DIXDC1: variants seen among roughly 807,000 people sequenced by gnomAD.
DIXDC1 encodes dixin.
In DIXDC1, 64 loss-of-function variants were observed where a neutral mutation model predicts 103.1. The observed-to-expected ratio is 0.62, with a 90% CI of 0.51 to 0.76. DIXDC1 has a LOEUF of 0.76. DIXDC1 is among the 30% of genes least tolerant of loss of function. The pLI is 0.00. For missense variants in DIXDC1, 759 were observed against 834.2 expected (o/e 0.91, Z 1.11); for synonymous variants, 266 against 298.5 (o/e 0.89, Z 1.12).
chr11:112,006,815 A>G (rs1395670945), intron 17 of DIXDC1, among the ~76,000 whole-genome samples: 2 of 152,208 alleles, frequency 1.3e-5, no homozygotes, highest in Non-Finnish European at 2.9e-5. Context: ...CACCAACATC[A>G]AAGACCAAAG....
intron 17 of DIXDC1, among the ~76,000 whole-genome samples, chr11:112,010,249 A>T (rs1861372927): frequency 6.6e-6 from 1 of 152,238 alleles, no homozygotes; most frequent in Non-Finnish European, 1.5e-5. Flanking sequence ...CTTACAAGGG[A>T]TGTGAAGGAC....
chr11:112,007,440 C>G (rs782786122), intron 17 of DIXDC1, among the ~76,000 whole-genome samples: 2 of 152,060 alleles, frequency 1.3e-5, no homozygotes. Context: ...ACATCCAAAT[C>G]TAGGAAATAC....
chr11:111,982,290 A>C (rs923457428), intron 6 of DIXDC1, 49 bp from the exon 7 acceptor site: 2 of 1,586,846 alleles, frequency 1.3e-6, no homozygotes, highest in Non-Finnish European at 1.7e-6. Context: ...TGTCTGCTGG[A>C]AATCAGTTTT....
chr11:111,995,699 T>A, intron 16 of DIXDC1, 135 bp downstream of exon 16: 1 of 1,164,816 alleles, frequency 8.6e-7, no homozygotes, highest in Middle Eastern at 2.7e-4. Flanking sequence ...TCTCTATTGT[T>A]TTTTCTCTCA....
rs186262506 is a variant in DIXDC1 at position 111,957,212 on chromosome 11, C to T, written c.61-7337C>T. On this transcript the variant is annotated intron_variant, in intron 1 of 19. Transcript: ENST00000440460. ...AATAAATAAATGGGGGAGGAGAGAG[C>T]TCTTCCTCACAGTTGGAATTACAAT... 1.3e-3 allele frequency among the ~76,000 whole-genome samples: 202 copies of T among 152,166 alleles called. 1 individual carries two copies. Among genetic ancestry groups the T allele is most frequent in the Non-Finnish European group, 1.2e-3 (84 of 68,000 alleles).
At chr11:112,011,790 C>G (rs1385015212) in intron 17 of DIXDC1, among the ~76,000 whole-genome samples, 1 of 150,718 alleles carries the variant, frequency 6.6e-6, no homozygotes, top group Non-Finnish European at 1.5e-5. Context: ...ACATCACACA[C>G]TGGAGCCTGT....
chr11:111,967,915 C>T (rs959539562), intron 2 of DIXDC1, among the ~76,000 whole-genome samples: 1 of 152,318 alleles, frequency 6.6e-6, no homozygotes, highest in East Asian at 1.9e-4. Flanking sequence ...TTGCTCACTC[C>T]CCCAGCCACA....
intron 14 of DIXDC1, among the ~76,000 whole-genome samples, chr11:111,994,627 T>A (rs1223658900): frequency 6.6e-6 from 1 of 151,592 alleles, no homozygotes; most frequent in South Asian, 2.1e-4. Flanking sequence ...TGTGTATATA[T>A]ATGTATGAAT....
intron 17 of DIXDC1, among the ~76,000 whole-genome samples, chr11:112,012,905 A>G (rs1861467222): frequency 1.3e-5 from 2 of 152,224 alleles, no homozygotes; most frequent in Admixed American, 1.3e-4. Context: ...TTTGCCTATT[A>G]GACCCCTGTG....
chr11:111,985,996 C>T (rs587669555), intron 8 of DIXDC1, among the ~76,000 whole-genome samples: 1 of 152,276 alleles, frequency 6.6e-6, no homozygotes, highest in East Asian at 1.9e-4. Context: ...ACATACTTCC[C>T]TGTACATCCA....
intron 5 of DIXDC1, chr11:111,975,918 T>C (rs1860082199): frequency 1.0e-6 from 1 of 953,398 alleles, no homozygotes; most frequent in Non-Finnish European, 1.2e-6. Flanking sequence ...TTACCTTTTT[T>C]ACATTTAATA....
intron 17 of DIXDC1, 194 bp downstream of exon 17, chr11:111,996,340 A>G (rs1461069773): frequency 4.2e-6 from 2 of 473,168 alleles, no homozygotes; most frequent in Non-Finnish European, 7.4e-6. Flanking sequence ...CCCCAGTGCC[A>G]TTTAGCCACG....
chr11:111,943,487 C>CTTTTTT (rs1161024928), intron 1 of DIXDC1, among the ~76,000 whole-genome samples: 38 of 113,436 alleles, frequency 3.3e-4, no homozygotes, highest in African/African-American at 5.2e-4. Flanking sequence ...TTCTTTCTCT[C>CTTTTTT]TTTTTTTTTT....
upstream of DIXDC1, among the ~76,000 whole-genome samples, chr11:111,932,763 C>T (rs1210650831): frequency 6.6e-6 from 1 of 152,182 alleles, no homozygotes; most frequent in African/African-American, 2.4e-5. Flanking sequence ...ATCATGTATA[C>T]TCTTTCCTCA....
At chr11:111,971,716 TGTG>T (rs201661545) in intron 3 of DIXDC1, among the ~76,000 whole-genome samples, 184 of 139,634 alleles carry the variant, frequency 1.3e-3, no homozygotes, top group African/African-American at 4.6e-3. Flanking sequence ...ATAAATAAAA[TGTG>T]GTGTGTATAT....
chr11:112,019,160 T>A lies in DIXDC1; in HGVS notation c.*124T>A. The A allele has an allele frequency of 1.3e-6, 1 of 746,970 alleles. No individual in the cohort carries two copies. The highest frequency in any genetic ancestry group is 1.9e-5 in the South Asian group (1 of 53,714). 46.3% of individuals were successfully genotyped at this position (746,970 alleles called of 1,614,324 possible). On this transcript the variant is annotated 3_prime_UTR_variant, in exon 20 of 20. Transcript: ENST00000440460. ...GTTTGTGTGCCAAAACAGAAGCTTC[T>A]CCAAGCATGATGGCCACAGGTCAGT...
upstream of DIXDC1, chr11:111,937,211 G>A (rs1206007282): frequency 4.5e-6 from 5 of 1,113,980 alleles, no homozygotes; most frequent in Non-Finnish European, 4.4e-6. Context: ...TTTCCCGCAG[G>A]AAAGCGGGGC....
intron 3 of DIXDC1, among the ~76,000 whole-genome samples, chr11:111,971,801 T>C (rs1859945838): frequency 6.6e-6 from 1 of 151,956 alleles, no homozygotes. Flanking sequence ...AAAAAAAAAA[T>C]TCATGTCCTT....
At chr11:111,950,995 A>G (rs1399227568) in intron 1 of DIXDC1, among the ~76,000 whole-genome samples, 1 of 152,212 alleles carries the variant, frequency 6.6e-6, no homozygotes, top group East Asian at 1.9e-4. Flanking sequence ...AGGTTTTTTA[A>G]AATAAATTAC....
Sources: gnomAD v4.1 joint callset for allele counts (sites outside exome capture counted in the v4.1 genomes callset) on GRCh38, gnomAD v4.1.1 for gene constraint, MANE v1.5 for transcripts, NCBI Gene and HGNC (gene_info 2026-07-23, HGNC 2026-07-21) for gene names.